The following FUT6 variants were observed in gnomAD, a reference collection of about 807,000 sequenced individuals.
FUT6 encodes fucosyltransferase 6.
For synonymous variants in FUT6, 187 were observed against 209.9 expected (o/e 0.89, Z 0.94); for missense variants, 454 against 494.6 (o/e 0.92, Z 0.78).
At position 5,832,813 on chromosome 19, in the gene FUT6, G is replaced by A; in HGVS notation, c.-12-234C>T. ...CAACAGGCCCTTTCTACATGGGCAA[G>A]GGTCCCTGGGGAAGTTGGGAGAGGC... On this transcript the variant is annotated intron_variant, in intron 2 of 2. Transcript: ENST00000318336. The surrounding 1 kb of genome is among the most constrained non-coding windows in gnomAD (Gnocchi z 4.3). The A allele has an allele frequency of 1.8e-6, 1 of 554,816 alleles. No individual in the cohort carries two copies. The highest frequency in any genetic ancestry group is 3.2e-6 in the Non-Finnish European group (1 of 310,416). 34.4% of individuals were successfully genotyped at this position (554,816 alleles called of 1,614,324 possible).
At position 5,831,152 on chromosome 19, in the gene FUT6, C is replaced by A. The variant is rs1050144812; in HGVS notation, c.*336G>T. The A allele has an allele frequency of 4.8e-6, 3 of 624,882 alleles. No homozygotes were observed. In the African/African-American group the frequency reaches 5.5e-5, roughly 11 times the overall value. 38.7% of individuals were successfully genotyped at this position (624,882 alleles called of 1,614,324 possible). ...GAGCAGGTCCCAGCAGGTAAAGTCC[C>A]CAACAGCCGAGGTCCCCAGTAGGCA... is the stretch of plus-strand genomic sequence containing the variant. On this transcript the variant is annotated 3_prime_UTR_variant, in exon 3 of 3. Coordinates refer to ENST00000318336, the MANE Select transcript of FUT6 (RefSeq NM_000150.4). The surrounding 1 kb of genome is among the most constrained non-coding windows in gnomAD (Gnocchi z 7.0).
In FUT6 at chr19:5,832,202, G is replaced by A. The variant is rs755120420; in HGVS notation, c.366C>T (p.Arg122=). ...VMYNPSAQLP[R]SPRRQGQRWI... ...ATCGCTGCCCCTGCCGCCTCGGGGAGCGTGGGAGCTGGGCACTGGGGTTGT... is the reference window on the plus strand; with the variant it reads ...ATCGCTGCCCCTGCCGCCTCGGGGAACGTGGGAGCTGGGCACTGGGGTTGT... Residue 122 remains arginine, a synonymous_variant, in exon 3 of 3, where the codon CGC becomes CGT. Coordinates refer to ENST00000318336, the MANE Select transcript of FUT6 (RefSeq NM_000150.4). This position sits in a 1 kb window ranked among gnomAD's most constrained non-coding sequence, Gnocchi z 4.3. 3 of 1,613,900 alleles carry A rather than the reference G, an allele frequency of 1.9e-6. No individual in the cohort carries two copies.
intron 2 of FUT6, among the ~76,000 whole-genome samples, chr19:5,833,944 C>T (rs1194018744): frequency 6.6e-6 from 1 of 151,890 alleles, no homozygotes; most frequent in African/African-American, 2.4e-5. Context: ...CCAGCGTGGT[C>T]AACATGGAGA....
In FUT6 at chr19:5,832,763, A is replaced by G. The variant is rs2057124984; in HGVS notation, c.-12-184T>C. ...TTTGAACAAAGGGAGCTTGGCCCAG[A>G]GTCCACTTCCTCCCACCCATTAGAC... On this transcript the variant is annotated intron_variant, in intron 2 of 2. Transcript: ENST00000318336. The surrounding 1 kb of genome is among the most constrained non-coding windows in gnomAD (Gnocchi z 4.3). 1 of 612,002 alleles carries G rather than the reference A, an allele frequency of 1.6e-6. No homozygotes were observed. The highest frequency in any genetic ancestry group is 2.9e-6 in the Non-Finnish European group (1 of 345,756). 37.9% of individuals were successfully genotyped at this position (612,002 alleles called of 1,614,324 possible).
chr19:5,831,099 G>C lies in FUT6; in HGVS notation c.*389C>G, dbSNP rs1326002032. ...TCCCCAGCAGGTGAGGCTCCTAGCA[G>C]GTGAGATTCAGTGTGGAAGGTCTCT... On this transcript the variant is annotated 3_prime_UTR_variant, in exon 3 of 3. Coordinates refer to ENST00000318336, the MANE Select transcript of FUT6 (RefSeq NM_000150.4). The surrounding 1 kb of genome is among the most constrained non-coding windows in gnomAD (Gnocchi z 7.0). 1 of 584,172 alleles carries C rather than the reference G, an allele frequency of 1.7e-6. No homozygotes were observed. Among genetic ancestry groups the C allele is most frequent in the South Asian group, 2.0e-5 (1 of 49,804 alleles). 36.2% of individuals were successfully genotyped at this position (584,172 alleles called of 1,614,324 possible).
chr19:5,832,115 G>A lies in FUT6; in HGVS notation c.453C>T (p.Tyr151=). Residue 151 remains tyrosine, a synonymous_variant, in exon 3 of 3, where the codon TAC becomes TAT. Coordinates refer to ENST00000318336, the MANE Select transcript of FUT6 (RefSeq NM_000150.4). The surrounding 1 kb of genome is among the most constrained non-coding windows in gnomAD (Gnocchi z 4.3). ...HCWQLKAMDG[Y]FNLTMSYRSD... is the part of the protein sequence containing the mutation. ...TGCGGTAGGACATGGTGAGATTGAA[G>A]TATCCGTCCATGGCTTTCAGCTGCC... 1 of 1,613,926 alleles carries A rather than the reference G, an allele frequency of 6.2e-7. No individual in the cohort carries two copies. Among genetic ancestry groups the A allele is most frequent in the Non-Finnish European group, 8.5e-7 (1 of 1,180,030 alleles).
chr19:5,831,848 G>C lies in FUT6; in HGVS notation c.720C>G (p.Tyr240Ter), dbSNP rs1261089601. The C allele has an allele frequency of 2.4e-5, 39 of 1,613,990 alleles. No homozygotes were observed. Among genetic ancestry groups the C allele is most frequent in the Non-Finnish European group, 3.2e-5 (38 of 1,179,872 alleles). Residue 240 changes from tyrosine (Y) to a stop codon, truncating the protein, a stop_gained, in exon 3 of 3, where the codon TAC (tyrosine) becomes TAG (stop). Transcript: ENST00000318336. LOFTEE classifies it low-confidence loss of function (END_TRUNC). The surrounding 1 kb of genome is among the most constrained non-coding windows in gnomAD (Gnocchi z 7.0). The part of the protein sequence containing the change: ...QGTMMETLSR[Y>*]KFYLAFENSL... Reference sequence around the variant, plus strand: ...AGTTCTCGAAGGCCAGATAGAACTTGTACCGGGACAGCGTCTCCATCATGG... The same window carrying C: ...AGTTCTCGAAGGCCAGATAGAACTTCTACCGGGACAGCGTCTCCATCATGG...
rs949887973 is a variant in FUT6, at chr19:5,830,558, G to A, written c.*930C>T. The A allele has an allele frequency of 4.0e-5, 6 of 149,540 alleles. No individual in the cohort carries two copies. Among genetic ancestry groups the A allele is most frequent in the Non-Finnish European group, 7.4e-5 (5 of 67,822 alleles). The allele number at this position is 149,540 out of a possible 1,614,324, so 9.3% of individuals were successfully genotyped here. On this transcript the variant is annotated 3_prime_UTR_variant, in exon 3 of 3. Transcript: ENST00000318336. ...AGCGATTCTTGTGTCTCAGCCACCT[G>A]GGTAGCTGGGATTACAGGCACCGGC...
intron 1 of FUT6, chr19:5,837,927 G>C (rs930517685): frequency 6.6e-6 from 1 of 152,158 alleles, no homozygotes; most frequent in Non-Finnish European, 1.5e-5. Flanking sequence ...GACAGCCCTC[G>C]AGGGACACTC....
At position 5,832,619 on chromosome 19, in the gene FUT6, A is replaced by C; in HGVS notation, c.-12-40T>G. ...GAGAGGAGTGAGGGTCATTGATGACAATCTCCTGCTTACCAAAGCTCCAGG... is the reference window on the plus strand; with the variant it reads ...GAGAGGAGTGAGGGTCATTGATGACCATCTCCTGCTTACCAAAGCTCCAGG... On this transcript the variant is annotated intron_variant, in intron 2 of 2. Transcript: ENST00000318336. The surrounding 1 kb of genome is among the most constrained non-coding windows in gnomAD (Gnocchi z 4.3). The C allele has an allele frequency of 6.9e-7, 1 of 1,439,754 alleles. No homozygotes were observed. Among genetic ancestry groups the C allele is most frequent in the Non-Finnish European group, 9.8e-7 (1 of 1,022,516 alleles). The allele number at this position is 1,439,754 out of a possible 1,614,324, so 89.2% of individuals were successfully genotyped here.
rs779745306 is a variant in FUT6, at chr19:5,831,970, C to T, written c.598G>A (p.Gly200Arg). 25 of 1,613,880 alleles carry T rather than the reference C, an allele frequency of 1.5e-5. 1 individual carries two copies. Among genetic ancestry groups the T allele is most frequent in the South Asian group, 5.5e-5 (5 of 91,076 alleles). Residue 200 changes from glycine to arginine, a missense_variant, in exon 3 of 3, where the codon GGG becomes AGG. By Grantham distance (125) the Gly-to-Arg change is moderately radical. Transcript: ENST00000318336. The surrounding 1 kb of genome is among the most constrained non-coding windows in gnomAD (Gnocchi z 7.0). Reference protein sequence around the residue: ...ELVAWAVSNWGPNSARVRYYQ... With the variant: ...ELVAWAVSNWRPNSARVRYYQ... ...TAGCGCACCCTGGCGGAGTTTGGCC[C>T]CCAGTTGGACACTGCCCAGGCCACC...
intron 1 of FUT6, among the ~76,000 whole-genome samples, chr19:5,836,496 G>A (rs1268016726): frequency 6.6e-6 from 1 of 152,150 alleles, no homozygotes; most frequent in African/African-American, 2.4e-5. Context: ...GATTACAGGC[G>A]TGCACCACGG....
chr19:5,834,432 G>A (rs1040921745), intron 2 of FUT6: 1 of 152,436 alleles, frequency 6.6e-6, no homozygotes, highest in African/African-American at 2.4e-5. Flanking sequence ...CTGGCCCCAG[G>A]GGGCTGGAGG....
In FUT6 at chr19:5,832,796, C is replaced by T. The variant is rs573018768; in HGVS notation, c.-12-217G>A. On this transcript the variant is annotated intron_variant, in intron 2 of 2. Coordinates refer to ENST00000318336, the MANE Select transcript of FUT6 (RefSeq NM_000150.4). This position sits in a 1 kb window ranked among gnomAD's most constrained non-coding sequence, Gnocchi z 4.3. The stretch of plus-strand genomic sequence containing the variant: ...TCCTCCCACCCATTAGACAACAGGC[C>T]CTTTCTACATGGGCAAGGGTCCCTG... 8.6e-6 allele frequency: 5 copies of T among 580,506 alleles called. No homozygotes were observed. In the Admixed American group the frequency reaches 1.5e-4, roughly 18 times the overall value. 36.0% of individuals were successfully genotyped at this position (580,506 alleles called of 1,614,324 possible). A position where few individuals can be genotyped will look rare whatever the true frequency, so the allele number is the denominator to read the frequency against.
intron 1 of FUT6, among the ~76,000 whole-genome samples, chr19:5,835,761 G>A (rs1164749914): frequency 6.6e-6 from 1 of 152,150 alleles, no homozygotes; most frequent in East Asian, 1.9e-4. Context: ...TGATGAGAGT[G>A]AAACTCCGTC....
At position 5,830,995 on chromosome 19, in the gene FUT6, C is replaced by G; in HGVS notation, c.*493G>C. On this transcript the variant is annotated 3_prime_UTR_variant, in exon 3 of 3. Transcript: ENST00000318336. ...CACAGGCGGCTAACAACATCACAAA[C>G]AAATCAGCCAGAACCATCACTCATG... is the stretch of plus-strand genomic sequence containing the variant. 1 of 425,698 alleles carries G rather than the reference C, an allele frequency of 2.3e-6. No individual in the cohort carries two copies. Among genetic ancestry groups the G allele is most frequent in the Non-Finnish European group, 4.4e-6 (1 of 228,576 alleles). 26.4% of individuals were successfully genotyped at this position (425,698 alleles called of 1,614,324 possible).
chr19:5,831,770 G>A lies in FUT6; in HGVS notation c.798C>T (p.Ala266=), dbSNP rs2057098646. 6.2e-7 allele frequency: 1 copy of A among 1,613,552 alleles called. No homozygotes were observed. Among genetic ancestry groups the A allele is most frequent in the Non-Finnish European group, 8.5e-7 (1 of 1,179,798 alleles). The stretch of plus-strand genomic sequence containing the variant: ...GGCCCAGCACCACGGGCACGGCCCA[G>A]GCCTCCAGGGCGTTCCTCCACAGCT... ...TEKLWRNALE[A]WAVPVVLGPS... is the part of the protein sequence containing the mutation. The change falls in exon 3 of 3, where the codon GCC becomes GCT. Residue 266 remains alanine (A), a synonymous_variant. Transcript: ENST00000318336. The surrounding 1 kb of genome is among the most constrained non-coding windows in gnomAD (Gnocchi z 7.0).
intron 2 of FUT6, among the ~76,000 whole-genome samples, chr19:5,833,793 C>CA (rs72442142): frequency 0.012 from 1,376 of 112,888 alleles, 16 homozygotes; most frequent in African/African-American, 0.037. Flanking sequence ...ATTCCATCTC[C>CA]AAAAAAAAAA....
At chr19:5,836,014 G>C (rs894878478) in intron 1 of FUT6, among the ~76,000 whole-genome samples, 2 of 151,836 alleles carry the variant, frequency 1.3e-5, no homozygotes, top group Non-Finnish European at 2.9e-5. Flanking sequence ...TCAGCCTCTC[G>C]AGTAGCTGGG....
Sources: allele counts gnomAD v4.1 joint callset (sites outside exome capture counted in the v4.1 genomes callset), GRCh38; gene constraint gnomAD v4.1.1; non-coding constraint Gnocchi (gnomAD v3.1); transcripts MANE v1.5; gene names NCBI Gene and HGNC (gene_info 2026-07-23, HGNC 2026-07-21).